TRAP1: variants seen among roughly 807,000 people sequenced by gnomAD.
TRAP1 encodes TNF receptor associated protein 1.
Under a neutral mutation model 89.1 loss-of-function variants are expected in TRAP1, and 102 were observed. The ratio of observed to expected loss-of-function variants is 1.15; its 90% confidence interval spans 0.98 to 1.35. The LOEUF (loss-of-function observed/expected upper bound fraction) is 1.35. Ranked by LOEUF, TRAP1 falls within the 40% of genes most tolerant of loss-of-function variation. The probability of loss-of-function intolerance (pLI) is 0.00; values close to 1 mark genes in which losing one functional copy is unlikely to be tolerated. For synonymous variants in TRAP1, 508 were observed against 388.0 expected (o/e 1.31, Z -3.64); for missense variants, 1,256 against 945.3 (o/e 1.33, Z -4.31).
chr16:3,709,280 C>T (rs1482503956), intron 1 of TRAP1, among the ~76,000 whole-genome samples: 1 of 149,984 alleles, frequency 6.7e-6, no homozygotes, highest in Non-Finnish European at 1.5e-5. Context: ...GAAAAATGGC[C>T]ATTCACAAAA....
At chr16:3,662,738 G>A in intron 15 of TRAP1, 144 bp downstream of exon 15, 1 of 765,642 alleles carries the variant, frequency 1.3e-6, no homozygotes, top group South Asian at 1.5e-5. Flanking sequence ...GCCGAGCAGG[G>A]ACCCACAGGG....
At chr16:3,673,972 G>A (rs1421624607) in intron 9 of TRAP1, among the ~76,000 whole-genome samples, 1 of 152,130 alleles carries the variant, frequency 6.6e-6, no homozygotes, top group Non-Finnish European at 1.5e-5. Context: ...GCACACCCCA[G>A]TCCACAAGCC....
chr16:3,707,420 C>G (rs957269778), intron 1 of TRAP1, among the ~76,000 whole-genome samples: 1 of 150,834 alleles, frequency 6.6e-6, no homozygotes, highest in African/African-American at 2.4e-5. Flanking sequence ...CTCCTGAACT[C>G]GTGATCCACC....
chr16:3,677,720 C>A lies in TRAP1; in HGVS notation c.544-62G>T. 1.9e-6 allele frequency: 3 copies of A among 1,563,400 alleles called. No homozygotes were observed. In the South Asian group the frequency reaches 3.6e-5, roughly 19 times the overall value. The stretch of plus-strand genomic sequence containing the variant: ...CTCCAGAGAGCAGACACTCCCAACA[C>A]CGTGGCTCTTCTGCGAGCACCGCTA... On this transcript the variant is annotated intron_variant, in intron 5 of 17. Coordinates refer to ENST00000246957, the MANE Select transcript of TRAP1 (RefSeq NM_016292.3).
intron 1 of TRAP1, among the ~76,000 whole-genome samples, chr16:3,709,368 C>T (rs775843970): frequency 6.6e-6 from 1 of 151,932 alleles, no homozygotes; most frequent in Non-Finnish European, 1.5e-5. Context: ...CACTTTAAAA[C>T]GAGATAGCAT....
intron 1 of TRAP1, among the ~76,000 whole-genome samples, chr16:3,693,144 T>C (rs1259416388): frequency 6.6e-6 from 1 of 151,648 alleles, no homozygotes; most frequent in African/African-American, 2.4e-5. Flanking sequence ...AGACGAGGTT[T>C]CACCTTATTG....
At chr16:3,693,570 A>G (rs1484138753) in intron 1 of TRAP1, among the ~76,000 whole-genome samples, 1 of 152,210 alleles carries the variant, frequency 6.6e-6, no homozygotes, top group East Asian at 1.9e-4. Flanking sequence ...CCCACAGAGC[A>G]TATCAGTGTT....
intron 4 of TRAP1, among the ~76,000 whole-genome samples, chr16:3,682,302 G>A (rs962887532): frequency 6.7e-6 from 1 of 149,982 alleles, no homozygotes; most frequent in Non-Finnish European, 1.5e-5. Flanking sequence ...TGTAATCCCA[G>A]CACTTTGGAA....
intron 1 of TRAP1, among the ~76,000 whole-genome samples, chr16:3,707,575 C>T (rs1007648800): frequency 6.6e-6 from 1 of 151,312 alleles, no homozygotes; most frequent in African/African-American, 2.4e-5. Flanking sequence ...GACAAACACC[C>T]GGGTGAGGTG....
intron 1 of TRAP1, among the ~76,000 whole-genome samples, chr16:3,701,936 C>G (rs2051370970): frequency 6.6e-6 from 1 of 152,180 alleles, no homozygotes; most frequent in South Asian, 2.1e-4. Context: ...GGCTGCCCGG[C>G]ACGGTGGCTC....
At chr16:3,669,262 G>A (rs2050878001) in intron 11 of TRAP1, among the ~76,000 whole-genome samples, 1 of 152,178 alleles carries the variant, frequency 6.6e-6, no homozygotes, top group Non-Finnish European at 1.5e-5. Flanking sequence ...CAAAGAGCAC[G>A]ACTCTAACGA....
At chr16:3,673,455 C>T (rs1427980862) in intron 9 of TRAP1, among the ~76,000 whole-genome samples, 2 of 152,218 alleles carry the variant, frequency 1.3e-5, no homozygotes, top group African/African-American at 2.4e-5. Context: ...CTTCCCGAAC[C>T]GGGACCCACA....
Position 3,672,703 on chromosome 16 carries a change from G to A in TRAP1, c.1162C>T (p.Arg388Ter), listed in dbSNP as rs145167056. 1.1e-5 allele frequency: 18 copies of A among 1,607,648 alleles called. No individual in the cohort carries two copies. Among genetic ancestry groups the A allele is most frequent in the African/African-American group, 4.0e-5 (3 of 74,952 alleles). ...TCACGGACTCTGAGCAGCGTACCTCGGATGAAGCGCAGCCACTTGGGCAGG... is the reference window on the plus strand; with the variant it reads ...TCACGGACTCTGAGCAGCGTACCTCAGATGAAGCGCAGCCACTTGGGCAGG... ...DILPKWLRFI[R>*]GVVDSEDIPL... is the part of the protein sequence containing the mutation. Residue 388 changes from arginine to a stop codon, truncating the protein, a stop_gained, in exon 10 of 18, where the codon CGA becomes TGA. Coordinates refer to ENST00000246957, the MANE Select transcript of TRAP1 (RefSeq NM_016292.3). LOFTEE classifies it high-confidence loss of function.
At chr16:3,669,034 T>C (rs2050874868) in intron 11 of TRAP1, among the ~76,000 whole-genome samples, 1 of 152,168 alleles carries the variant, frequency 6.6e-6, no homozygotes, top group Admixed American at 6.5e-5. Flanking sequence ...TGGGTGTCCT[T>C]TGCCTTATCC....
intron 17 of TRAP1, 101 bp downstream of exon 17, chr16:3,658,692 A>AACAC: frequency 8.4e-7 from 1 of 1,193,792 alleles, no homozygotes; most frequent in South Asian, 1.4e-5. Flanking sequence ...CAAACAAACA[A>AACAC]AAAGACAGGA....
chr16:3,678,093 C>A (rs117350632), intron 5 of TRAP1: 1 of 166,566 alleles, frequency 6.0e-6, no homozygotes, highest in Admixed American at 5.8e-5. Context: ...GTAGAAATCA[C>A]GCGCATGCGT....
intron 1 of TRAP1, among the ~76,000 whole-genome samples, chr16:3,715,038 C>T (rs927257844): frequency 2.0e-5 from 3 of 152,206 alleles, no homozygotes; most frequent in African/African-American, 7.2e-5. Flanking sequence ...ACCTGCCACG[C>T]AGAAGGCTGC....
intron 14 of TRAP1, 117 bp from the exon 15 acceptor site, chr16:3,663,084 A>G (rs1448698283): frequency 1.3e-6 from 1 of 782,988 alleles, no homozygotes; most frequent in East Asian, 2.7e-5. Flanking sequence ...TGGAGACACA[A>G]GCTAGCAAGA....
intron 1 of TRAP1, 79 bp from the exon 2 acceptor site, chr16:3,691,064 G>A: frequency 7.5e-7 from 1 of 1,335,148 alleles, no homozygotes; most frequent in Non-Finnish European, 9.9e-7. Flanking sequence ...CATCAAGGGT[G>A]TCTAGCAGAA....
Sources: gnomAD v4.1 joint callset for allele counts (sites outside exome capture counted in the v4.1 genomes callset) on GRCh38, gnomAD v4.1.1 for gene constraint, MANE v1.5 for transcripts, NCBI Gene and HGNC (gene_info 2026-07-23, HGNC 2026-07-21) for gene names.